Variants in FBXO38 observed in about 807,000 individuals in gnomAD.
FBXO38 encodes F-box only protein 38.
In FBXO38, 53 loss-of-function variants were observed where a neutral mutation model predicts 131.9. The observed-to-expected ratio is 0.40, with a 90% CI of 0.32 to 0.51. FBXO38 has a LOEUF of 0.51. FBXO38 is among the 20% of genes least tolerant of loss of function. The probability of loss-of-function intolerance (pLI) is 0.53; values close to 1 mark genes in which losing one functional copy is unlikely to be tolerated. For synonymous variants in FBXO38, 452 were observed against 505.6 expected, an observed-to-expected ratio of 0.89 and a Z score of 1.42; for missense variants, 1,076 against 1,475.6, an observed-to-expected ratio of 0.73 and a Z score of 4.44.
Position 148,402,544 on chromosome 5 carries a change from CT to C in FBXO38, c.592+32del, listed in dbSNP as rs768778262. 5.3e-6 allele frequency: 8 copies of C among 1,503,780 alleles called. No homozygotes were observed. In the Admixed American group the frequency reaches 1.5e-4, roughly 28 times the overall value. The allele number at this position is 1,503,780 out of a possible 1,614,324, so 93.2% of individuals were successfully genotyped here. ...TACATGTTTCTTGGGTCACTTGTAA[CT>C]CCTTGAAATGCCATAAAATGTGAAT... On this transcript the variant is annotated intron_variant, in intron 5 of 21. Transcript: ENST00000340253.
At chr5:148,406,730 A>G (rs527455697) in intron 7 of FBXO38, among the ~76,000 whole-genome samples, 27 of 152,172 alleles carry the variant, frequency 1.8e-4, no homozygotes, top group Admixed American at 5.2e-4. Context: ...GTGATGTTTT[A>G]CAACTTGTAC....
chr5:148,403,456 A>T (rs1268467498), intron 5 of FBXO38, among the ~76,000 whole-genome samples: 1 of 143,474 alleles, frequency 7.0e-6, no homozygotes, highest in African/African-American at 2.9e-5. Context: ...CATCTGTCTC[A>T]CCCTTCTTCC....
chr5:148,441,093 G>A lies in FBXO38; in HGVS notation c.3275-31G>A, dbSNP rs138926886. The A allele has an allele frequency of 0.011, 16,695 of 1,535,762 alleles. 119 individuals are homozygous for A. Among genetic ancestry groups the A allele is most frequent in the Non-Finnish European group, 0.014 (15,206 of 1,108,604 alleles). ...AATTTGGCTCTGTCAGCACTCCCAC[G>A]CCAGTTAGCAATGTTACATTTGTCT... On this transcript the variant is annotated intron_variant, in intron 20 of 21. Coordinates refer to ENST00000340253, the MANE Select transcript of FBXO38 (RefSeq NM_205836.3).
intron 3 of FBXO38, among the ~76,000 whole-genome samples, chr5:148,400,131 A>AT (rs1198514082): frequency 2.0e-5 from 3 of 152,058 alleles, no homozygotes; most frequent in African/African-American, 7.2e-5. Context: ...TATAAAGAAC[A>AT]TTGCAAACAC....
Position 148,427,620 on chromosome 5 carries a change from T to C in FBXO38, c.2326T>C (p.Cys776Arg), listed in dbSNP as rs1400525129. Residue 776 changes from cysteine (C) to arginine (R), a missense_variant, in exon 15 of 22, where the codon TGC (cysteine) becomes CGC (arginine). This residue lies in a region of FBXO38 where 213 missense variants were observed against 225.2 expected (regional missense o/e 0.95). Transcript: ENST00000340253. The stretch of plus-strand genomic sequence containing the variant: ...TGCAGAGAGTTCTGTCTGCCCCAGA[T>C]GCTGCTGTCACAGGCCCCAGGAATC... Reference protein sequence around the residue: ...GDAESSVCPRCCCHRPQESQR... With the variant: ...GDAESSVCPRRCCHRPQESQR... 1 of 1,614,172 alleles carries C rather than the reference T, an allele frequency of 6.2e-7. No individual in the cohort carries two copies. Among genetic ancestry groups the C allele is most frequent in the Admixed American group, 1.7e-5 (1 of 60,032 alleles).
chr5:148,402,910 G>T (rs1389852885), intron 5 of FBXO38, among the ~76,000 whole-genome samples: 3 of 152,270 alleles, frequency 2.0e-5, no homozygotes, highest in South Asian at 4.1e-4. Flanking sequence ...TACACAGAGA[G>T]AGAGAGAGTA....
In FBXO38 at chr5:148,404,935, CTT is replaced by C. The variant is rs374815096; in HGVS notation, c.730+114_730+115del. On this transcript the variant is annotated intron_variant, in intron 6 of 21. Coordinates refer to ENST00000340253, the MANE Select transcript of FBXO38 (RefSeq NM_205836.3). ...TATATTATGCTATTACTATTTATGT[CTT>C]ATAACATATTCATCTTGTGAAGATA... 7.9e-5 allele frequency: 67 copies of C among 851,240 alleles called. No individual in the cohort carries two copies. In the African/African-American group the frequency reaches 1.1e-3, roughly 14 times the overall value. The allele number at this position is 851,240 out of a possible 1,614,324, so 52.7% of individuals were successfully genotyped here.
intron 5 of FBXO38, among the ~76,000 whole-genome samples, chr5:148,402,872 T>G (rs576031526): frequency 2.0e-4 from 31 of 152,226 alleles, no homozygotes; most frequent in African/African-American, 7.5e-4. Flanking sequence ...ATTTGTTTAC[T>G]ACTTTATTCT....
intron 3 of FBXO38, among the ~76,000 whole-genome samples, chr5:148,400,645 A>G (rs926126455): frequency 1.3e-5 from 2 of 152,090 alleles, no homozygotes; most frequent in East Asian, 1.9e-4. Context: ...TCCTTTATAT[A>G]ATAGTACTTT....
At chr5:148,402,558 A>G (rs757229550) in intron 5 of FBXO38, 45 bp downstream of exon 5, 15 of 1,410,596 alleles carry the variant, frequency 1.1e-5, no homozygotes, top group South Asian at 4.3e-5. Flanking sequence ...TTGAAATGCC[A>G]TAAAATGTGA....
chr5:148,442,830 A>T lies in FBXO38; in HGVS notation c.*683A>T, dbSNP rs1352036966. Reference sequence around the variant, plus strand: ...TGAATATAAAATAAAAGTTTATTAAAAACTTTTCTCTTGCCTTGGACCTGA... The same window carrying T: ...TGAATATAAAATAAAAGTTTATTAATAACTTTTCTCTTGCCTTGGACCTGA... On this transcript the variant is annotated 3_prime_UTR_variant, in exon 22 of 22. Coordinates refer to ENST00000340253, the MANE Select transcript of FBXO38 (RefSeq NM_205836.3). 2.0e-5 allele frequency: 3 copies of T among 152,220 alleles called. No individual in the cohort carries two copies. The highest frequency in any genetic ancestry group is 4.4e-5 in the Non-Finnish European group (3 of 68,050). The allele number at this position is 152,220 out of a possible 1,614,324, so 9.4% of individuals were successfully genotyped here.
At chr5:148,398,360 G>C (rs1022199929) in intron 2 of FBXO38, among the ~76,000 whole-genome samples, 4 of 151,742 alleles carry the variant, frequency 2.6e-5, no homozygotes, top group Admixed American at 1.3e-4. Context: ...AAGAAGAATG[G>C]AAAAGAGGAA....
At position 148,442,153 on chromosome 5, in the gene FBXO38, C is replaced by G; in HGVS notation, c.*6C>G. On this transcript the variant is annotated 3_prime_UTR_variant, in exon 22 of 22. Coordinates refer to ENST00000340253, the MANE Select transcript of FBXO38 (RefSeq NM_205836.3). ...TTGAAGATGACTACATTTAATTGGT[C>G]CCTCCTCCTTTCCAGCTATTTTGTC... 1 of 1,611,942 alleles carries G rather than the reference C, an allele frequency of 6.2e-7. No homozygotes were observed. The highest frequency in any genetic ancestry group is 2.2e-5 in the East Asian group (1 of 44,840).
chr5:148,427,695 C>T lies in FBXO38; in HGVS notation c.2401C>T (p.Arg801Ter), dbSNP rs1420560600. The T allele has an allele frequency of 3.7e-6, 6 of 1,613,964 alleles. No individual in the cohort carries two copies. The highest frequency in any genetic ancestry group is 1.7e-5 in the Admixed American group (1 of 59,992). ...CSDEERPSTS[R>*]ACVVNGPDGT... ...TGATGAGGAACGTCCTTCAACCAGC[C>T]GAGCCTGTGTTGTGAATGGCCCGGA... Residue 801 changes from arginine to a stop codon, truncating the protein, a stop_gained, in exon 15 of 22, where the codon CGA becomes TGA. Coordinates refer to ENST00000340253, the MANE Select transcript of FBXO38 (RefSeq NM_205836.3). LOFTEE classifies it high-confidence loss of function.
In FBXO38 at chr5:148,423,913, G is replaced by C. The variant is rs189173223; in HGVS notation, c.1619-85G>C. 19 of 1,324,788 alleles carry C rather than the reference G, an allele frequency of 1.4e-5. No homozygotes were observed. In the East Asian group the frequency reaches 1.5e-4, roughly 10 times the overall value. The allele number at this position is 1,324,788 out of a possible 1,614,324, so 82.1% of individuals were successfully genotyped here. ...GCCTAGTAATCAGCGGGACTGTTCA[G>C]TTCTTAGGGCGGCCACAGTTTTGCC... On this transcript the variant is annotated intron_variant, in intron 12 of 21. Coordinates refer to ENST00000340253, the MANE Select transcript of FBXO38 (RefSeq NM_205836.3).
chr5:148,439,526 T>C (rs1472185751), intron 18 of FBXO38, 121 bp from the exon 19 acceptor site: 1 of 990,986 alleles, frequency 1.0e-6, no homozygotes, highest in Non-Finnish European at 1.4e-6. Context: ...GACTATTTGA[T>C]TTTCAAATCA....
intron 15 of FBXO38, among the ~76,000 whole-genome samples, chr5:148,428,550 T>A (rs953292277): frequency 5.3e-5 from 8 of 152,238 alleles, no homozygotes; most frequent in Non-Finnish European, 1.2e-4. Context: ...AGCCATGGAT[T>A]GGGTGTAAGC....
At chr5:148,414,411 G>A (rs756159580) in intron 10 of FBXO38, 105 bp downstream of exon 10, 2 of 1,043,524 alleles carry the variant, frequency 1.9e-6, no homozygotes, top group Non-Finnish European at 2.7e-6. Flanking sequence ...GTAAAATGTA[G>A]GTATTTCATT....
At chr5:148,438,194 T>A in intron 17 of FBXO38, 138 bp from the exon 18 acceptor site, 1 of 675,246 alleles carries the variant, frequency 1.5e-6, no homozygotes. Context: ...ATTTTTTTGT[T>A]AACTGTGATT....
Sources: gnomAD v4.1 joint callset for allele counts (sites outside exome capture counted in the v4.1 genomes callset) on GRCh38, gnomAD v4.1.1 for gene constraint, gnomAD v4.1.1 regional missense constraint, MANE v1.5 for transcripts, NCBI Gene and HGNC (gene_info 2026-07-23, HGNC 2026-07-21) for gene names.